DACH2: variants seen among roughly 807,000 people sequenced by gnomAD.
The protein encoded by DACH2 is dachshund homolog 2.
A neutral mutation model predicts 35.8 loss-of-function variants in DACH2; 17 were observed. That is an observed-to-expected ratio of 0.48 (90% confidence interval 0.33 to 0.71). The LOEUF is 0.71. Among genes scored for constraint, DACH2 ranks in the 30% least tolerant of loss-of-function variants. The probability of loss-of-function intolerance (pLI) is 0.02; values close to 1 mark genes in which losing one functional copy is unlikely to be tolerated. For missense variants in DACH2, 469 were observed against 472.7 expected, an observed-to-expected ratio of 0.99 and a Z score of 0.07; for synonymous variants, 195 against 177.3, an observed-to-expected ratio of 1.10 and a Z score of -0.79.
intron 7 of DACH2, among the ~76,000 whole-genome samples, chrX:86,763,074 C>T (rs2041898999): frequency 1.8e-5 from 2 of 111,475 alleles, no homozygotes; most frequent in Non-Finnish European, 3.8e-5. Flanking sequence ...CTTTCTGTGC[C>T]TGGCTTATTT....
At chrX:86,629,936 T>G (rs1390188428) in intron 3 of DACH2, among the ~76,000 whole-genome samples, 1 of 111,445 alleles carries the variant, frequency 9.0e-6, no homozygotes, top group Non-Finnish European at 1.9e-5. Context: ...GTATAACTCA[T>G]GATTACCCAA....
At chrX:86,266,179 G>A (rs1361973508) in intron 1 of DACH2, among the ~76,000 whole-genome samples, 1 of 111,289 alleles carries the variant, frequency 9.0e-6, no homozygotes, top group Admixed American at 9.6e-5. Flanking sequence ...CACCCCCTAA[G>A]TTTCTGATTT....
At position 86,825,799 on chromosome X, in the gene DACH2, G is replaced by A. The variant is rs191292890; in HGVS notation, c.1751-6307G>A. Among the ~76,000 whole-genome samples the A allele has an allele frequency of 2.4e-3, 263 of 111,904 alleles. 1 individual carries two copies. Among genetic ancestry groups the A allele is most frequent in the African/African-American group, 8.0e-3 (248 of 30,840 alleles). Reference sequence around the variant, plus strand: ...TATTGCCATTTTATAACCAGTATGTGAGAGGCACAATGAAGTGGCAGAAAG... The same window carrying A: ...TATTGCCATTTTATAACCAGTATGTAAGAGGCACAATGAAGTGGCAGAAAG... On this transcript the variant is annotated intron_variant, in intron 11 of 11. Coordinates refer to ENST00000373125, the MANE Select transcript of DACH2 (RefSeq NM_053281.3).
intron 2 of DACH2, among the ~76,000 whole-genome samples, chrX:86,453,840 T>C (rs1296054776): frequency 1.8e-5 from 2 of 111,405 alleles, no homozygotes; most frequent in African/African-American, 6.5e-5. Context: ...ATGTGTGAAT[T>C]TGAAACTTGT....
intron 7 of DACH2, among the ~76,000 whole-genome samples, chrX:86,744,551 A>C: frequency 9.0e-6 from 1 of 111,408 alleles, no homozygotes; most frequent in South Asian, 3.7e-4. Context: ...ATAAAATGCC[A>C]GCTTTGCTAT....
At chrX:86,777,627 A>T (rs990475939) in intron 7 of DACH2, among the ~76,000 whole-genome samples, 11 of 111,642 alleles carry the variant, frequency 9.9e-5, no homozygotes, top group African/African-American at 3.6e-4. Flanking sequence ...CTGCATTTAT[A>T]ACATTCATGT....
chrX:86,648,735 T>C (rs1435749465), intron 3 of DACH2, among the ~76,000 whole-genome samples: 1 of 110,943 alleles, frequency 9.0e-6, no homozygotes, highest in Non-Finnish European at 1.9e-5. Flanking sequence ...ACATTATATA[T>C]GTACAGATTT....
At chrX:86,311,956 A>G (rs2034809970) in intron 1 of DACH2, among the ~76,000 whole-genome samples, 1 of 111,342 alleles carries the variant, frequency 9.0e-6, no homozygotes, top group Non-Finnish European at 1.9e-5. Context: ...GGAAACTATG[A>G]CAGCTCAATC....
intron 1 of DACH2, chrX:86,160,643 G>A: frequency 2.0e-6 from 1 of 501,843 alleles, no homozygotes; most frequent in Non-Finnish European, 3.6e-6. Flanking sequence ...GCTGTCACCA[G>A]CAATGTTGCC....
intron 1 of DACH2, among the ~76,000 whole-genome samples, chrX:86,357,513 T>C (rs1602437252): frequency 8.9e-6 from 1 of 112,304 alleles, no homozygotes; most frequent in African/African-American, 3.2e-5. Flanking sequence ...TTACATAAGC[T>C]AGTGTAACTT....
chrX:86,242,110 G>A (rs1351412730), intron 1 of DACH2, among the ~76,000 whole-genome samples: 1 of 112,593 alleles, frequency 8.9e-6, no homozygotes. Context: ...GCCTAGTGGA[G>A]CTGTGAGAAG....
chrX:86,698,958 G>C (rs1231624756), intron 5 of DACH2, among the ~76,000 whole-genome samples: 1 of 100,595 alleles, frequency 9.9e-6, no homozygotes, highest in Non-Finnish European at 2.0e-5. Context: ...GTGAAGAAAA[G>C]ACAAAGAAGG....
At position 86,381,410 on chromosome X, in the gene DACH2, A is replaced by G. The variant is rs190217152; in HGVS notation, c.527+4548A>G. Reference sequence around the variant, plus strand: ...TCTTCATCTTAAAACATATGTAATTAAGATAAGGATTAAAGATACTATTTT... The same window carrying G: ...TCTTCATCTTAAAACATATGTAATTGAGATAAGGATTAAAGATACTATTTT... On this transcript the variant is annotated intron_variant, in intron 2 of 11. Coordinates refer to ENST00000373125, the MANE Select transcript of DACH2 (RefSeq NM_053281.3). Among the ~76,000 whole-genome samples the G allele has an allele frequency of 3.0e-3, 335 of 111,388 alleles. 1 individual carries two copies. The highest frequency in any genetic ancestry group is 4.7e-3 in the Non-Finnish European group (248 of 52,619).
intron 1 of DACH2, among the ~76,000 whole-genome samples, chrX:86,257,358 C>G (rs2033541265): frequency 8.9e-6 from 1 of 112,397 alleles, no homozygotes; most frequent in South Asian, 3.6e-4. Flanking sequence ...CTTCCTCTTT[C>G]TTCCACTTAC....
At chrX:86,218,757 G>T (rs1347063386) in intron 1 of DACH2, among the ~76,000 whole-genome samples, 2 of 111,593 alleles carry the variant, frequency 1.8e-5, no homozygotes, top group East Asian at 5.6e-4. Flanking sequence ...AAGGACAATT[G>T]ATTTTTATGT....
chrX:86,529,987 A>ACT (rs2038694255), intron 3 of DACH2, among the ~76,000 whole-genome samples: 1 of 108,407 alleles, frequency 9.2e-6, no homozygotes, highest in Admixed American at 9.9e-5. Flanking sequence ...GCACACACAC[A>ACT]CACACACACA....
At chrX:86,614,755 A>G (rs1482818764) in intron 3 of DACH2, among the ~76,000 whole-genome samples, 2 of 111,849 alleles carry the variant, frequency 1.8e-5, no homozygotes. Flanking sequence ...AGCTCAAGAT[A>G]GCAGTGCTCA....
chrX:86,655,986 T>A (rs2040534153), intron 4 of DACH2, among the ~76,000 whole-genome samples: 1 of 108,180 alleles, frequency 9.2e-6, no homozygotes, highest in African/African-American at 3.4e-5. Flanking sequence ...AAGGAGTATA[T>A]CATCAAGACT....
At chrX:86,726,877 T>C (rs1160056705) in intron 6 of DACH2, among the ~76,000 whole-genome samples, 1 of 112,059 alleles carries the variant, frequency 8.9e-6, no homozygotes, top group Non-Finnish European at 1.9e-5. Flanking sequence ...GTAAGCTGCT[T>C]CAAACCCTCT....
Sources: allele counts gnomAD v4.1 joint callset (sites outside exome capture counted in the v4.1 genomes callset), GRCh38; gene constraint gnomAD v4.1.1; transcripts MANE v1.5; gene names NCBI Gene and HGNC (gene_info 2026-07-23, HGNC 2026-07-21).